CNTNAP2: variants seen among roughly 807,000 people sequenced by gnomAD.
The protein encoded by CNTNAP2 is contactin-associated protein-like 2.
Under a neutral mutation model 155.2 loss-of-function variants are expected in CNTNAP2, and 98 were observed. That is an observed-to-expected ratio of 0.63 (90% CI 0.54 to 0.75). The LOEUF (loss-of-function observed/expected upper bound fraction) is 0.75, where lower values mean the gene tolerates loss of function less well. Ranked by LOEUF, CNTNAP2 falls within the 30% of genes least tolerant of loss-of-function variation. The pLI, the probability that CNTNAP2 is intolerant of heterozygous loss-of-function variation, is 0.00. For synonymous variants in CNTNAP2, 651 were observed against 631.2 expected (o/e 1.03, Z -0.47); for missense variants, 1,727 against 1,688.1 (o/e 1.02, Z -0.40).
At chr7:146,301,096 AC>A (rs1257779808) in intron 1 of CNTNAP2, among the ~76,000 whole-genome samples, 1 of 152,116 alleles carries the variant, frequency 6.6e-6, no homozygotes, top group African/African-American at 2.4e-5. Flanking sequence ...TCCTTAAGAG[AC>A]CAGCAGACCC....
intron 22 of CNTNAP2, among the ~76,000 whole-genome samples, chr7:148,384,216 ACT>A (rs1237959490): frequency 1.3e-5 from 2 of 152,134 alleles, no homozygotes; most frequent in Non-Finnish European, 2.9e-5. Flanking sequence ...GCCTCTTATG[ACT>A]CTTAATGACT....
At chr7:146,652,025 C>T (rs1037252196) in intron 1 of CNTNAP2, among the ~76,000 whole-genome samples, 1 of 151,918 alleles carries the variant, frequency 6.6e-6, no homozygotes, top group Non-Finnish European at 1.5e-5. Flanking sequence ...AAGAAGGATA[C>T]TTTAAAGGTG....
At chr7:148,092,692 C>T (rs1389855644) in intron 15 of CNTNAP2, among the ~76,000 whole-genome samples, 1 of 152,136 alleles carries the variant, frequency 6.6e-6, no homozygotes, top group Non-Finnish European at 1.5e-5. Context: ...CCTCCAATCT[C>T]TCAAGAAGAC....
rs112705424 is a variant in CNTNAP2, at chr7:147,388,695, C to A, written c.1499-6914C>A. Among the ~76,000 whole-genome samples the A allele has an allele frequency of 4.7e-4, 71 of 152,148 alleles. 1 individual carries two copies. The highest frequency in any genetic ancestry group is 1.7e-3 in the African/African-American group (69 of 41,514). Reference sequence around the variant, plus strand: ...TCCCAAGTTCAAGCGTTTCTCCTGCCTCAGTCTCCCAAGTAGCTGGGATTA... The same window carrying A: ...TCCCAAGTTCAAGCGTTTCTCCTGCATCAGTCTCCCAAGTAGCTGGGATTA... On this transcript the variant is annotated intron_variant, in intron 9 of 23. Coordinates refer to ENST00000361727, the MANE Select transcript of CNTNAP2 (RefSeq NM_014141.6).
chr7:147,242,957 T>C (rs891802686), intron 8 of CNTNAP2, among the ~76,000 whole-genome samples: 1 of 151,472 alleles, frequency 6.6e-6, no homozygotes, highest in Non-Finnish European at 1.5e-5. Context: ...ATTATAAGTA[T>C]TGAATGTTGT....
chr7:147,236,306 C>T (rs1257898951), intron 8 of CNTNAP2, among the ~76,000 whole-genome samples: 1 of 152,204 alleles, frequency 6.6e-6, no homozygotes, highest in Admixed American at 6.5e-5. Context: ...TTGCCCTAAA[C>T]CCCACTGGCT....
At chr7:147,922,086 T>A (rs1800291990) in intron 14 of CNTNAP2, among the ~76,000 whole-genome samples, 4 of 152,198 alleles carry the variant, frequency 2.6e-5, no homozygotes, top group Admixed American at 2.6e-4. Context: ...ATATCTCTAG[T>A]ATAAAAAGCA....
chr7:148,328,761 A>C (rs931621506), intron 21 of CNTNAP2, among the ~76,000 whole-genome samples: 2 of 125,266 alleles, frequency 1.6e-5, no homozygotes, highest in Non-Finnish European at 3.3e-5. Flanking sequence ...CAAGTTCAGG[A>C]GTTTGAGACC....
rs547497692 is a variant in CNTNAP2, at chr7:146,437,256, G to A, written c.97+320283G>A. Among the ~76,000 whole-genome samples the A allele has an allele frequency of 1.2e-4, 18 of 151,554 alleles. No homozygotes were observed. The South Asian group carries it at 3.5e-3, about 30-fold the overall frequency. Reference sequence around the variant, plus strand: ...CTACCCCAACCTCACCCTCCTGTCCGTGGAAAAATTGTCTTCCATGAAATC... The same window carrying A: ...CTACCCCAACCTCACCCTCCTGTCCATGGAAAAATTGTCTTCCATGAAATC... On this transcript the variant is annotated intron_variant, in intron 1 of 23. Transcript: ENST00000361727.
At chr7:148,191,090 G>T (rs1795196935) in intron 18 of CNTNAP2, among the ~76,000 whole-genome samples, 1 of 152,142 alleles carries the variant, frequency 6.6e-6, no homozygotes, top group Admixed American at 6.5e-5. Context: ...CCCCCAAAAA[G>T]CATGCACTAG....
chr7:147,024,264 C>G (rs1798862298), intron 3 of CNTNAP2, among the ~76,000 whole-genome samples: 1 of 152,106 alleles, frequency 6.6e-6, no homozygotes, highest in Non-Finnish European at 1.5e-5. Flanking sequence ...AATTGAACAT[C>G]TATATCGCAA....
chr7:146,781,155 G>A (rs1034061730), intron 2 of CNTNAP2, among the ~76,000 whole-genome samples: 1 of 151,264 alleles, frequency 6.6e-6, no homozygotes, highest in Non-Finnish European at 1.5e-5. Flanking sequence ...CTGAACCCGG[G>A]AGGCGGAGCT....
intron 8 of CNTNAP2, among the ~76,000 whole-genome samples, chr7:147,135,332 C>T (rs946221245): frequency 4.0e-5 from 6 of 151,770 alleles, no homozygotes; most frequent in South Asian, 4.1e-4. Context: ...GCAACATCAA[C>T]GTTTTCTGAT....
chr7:148,391,849 T>C (rs1212514413), intron 22 of CNTNAP2, among the ~76,000 whole-genome samples: 2 of 152,234 alleles, frequency 1.3e-5, no homozygotes, highest in African/African-American at 4.8e-5. Flanking sequence ...CATAAATTTC[T>C]GCACTAAGGA....
intron 17 of CNTNAP2, among the ~76,000 whole-genome samples, chr7:148,151,351 G>C (rs1344512449): frequency 6.6e-6 from 1 of 152,084 alleles, no homozygotes; most frequent in Non-Finnish European, 1.5e-5. Flanking sequence ...TGTCATCCAG[G>C]CTGGAGTAAA....
At chr7:147,169,868 GAATTT>G (rs1489854899) in intron 8 of CNTNAP2, among the ~76,000 whole-genome samples, 14 of 152,104 alleles carry the variant, frequency 9.2e-5, no homozygotes, top group African/African-American at 3.1e-4. Flanking sequence ...TCCTTGAATT[GAATTT>G]CAACGTTTCC....
chr7:146,337,359 C>G (rs1801294391), intron 1 of CNTNAP2, among the ~76,000 whole-genome samples: 1 of 151,326 alleles, frequency 6.6e-6, no homozygotes, highest in African/African-American at 2.4e-5. Flanking sequence ...GAAACTACTG[C>G]TAGTTTGAGA....
chr7:148,347,280 A>G (rs1190252208), intron 21 of CNTNAP2, among the ~76,000 whole-genome samples: 1 of 152,134 alleles, frequency 6.6e-6, no homozygotes, highest in Admixed American at 6.6e-5. Flanking sequence ...AGAGAAAACA[A>G]AAAACCAACT....
chr7:147,902,014 C>T (rs1429399469), intron 13 of CNTNAP2, among the ~76,000 whole-genome samples: 1 of 152,216 alleles, frequency 6.6e-6, no homozygotes, highest in African/African-American at 2.4e-5. Context: ...AAAGTTTGTG[C>T]TTAGCTCCAA....
Sources: allele counts gnomAD v4.1 joint callset (sites outside exome capture counted in the v4.1 genomes callset), GRCh38; gene constraint gnomAD v4.1.1; transcripts MANE v1.5; gene names NCBI Gene and HGNC (gene_info 2026-07-23, HGNC 2026-07-21).